SELPLG: variants seen among roughly 807,000 people sequenced by gnomAD.
The protein encoded by SELPLG is selectin P ligand.
Under a neutral mutation model 1.1 loss-of-function variants are expected in SELPLG, and 2 were observed. The observed-to-expected ratio is 1.82, with a 90% CI of 0.74 to 5.71. The LOEUF (loss-of-function observed/expected upper bound fraction) is 5.71. Ranked by LOEUF, SELPLG falls within the 30% of genes most tolerant of loss-of-function variation. The probability of loss-of-function intolerance (pLI) is 0.05; values close to 1 mark genes in which losing one functional copy is unlikely to be tolerated. For missense variants in SELPLG, 478 were observed against 524.7 expected (o/e 0.91, Z 0.87); for synonymous variants, 230 against 221.2 (o/e 1.04, Z -0.35).
At position 108,622,835 on chromosome 12, in the gene SELPLG, A is replaced by T. The variant is rs1332927317; in HGVS notation, c.*234T>A. 2.1e-6 allele frequency: 1 copy of T among 478,184 alleles called. No individual in the cohort carries two copies. The highest frequency in any genetic ancestry group is 3.7e-6 in the Non-Finnish European group (1 of 273,084). 29.6% of individuals were successfully genotyped at this position (478,184 alleles called of 1,614,324 possible). A position where few individuals can be genotyped will look rare whatever the true frequency, so the allele number is the denominator to read the frequency against. ...GGCCTCCTGCCTTGGACCTCGGCTG[A>T]AATGTGGCTGGGCTTCATCCGCGGA... On this transcript the variant is annotated 3_prime_UTR_variant, in exon 2 of 2. Coordinates refer to ENST00000550948, the MANE Select transcript of SELPLG (RefSeq NM_003006.4).
rs117640217 is a variant in SELPLG, at chr12:108,624,515, A to T, written c.-5-203T>A. 1.2e-3 allele frequency among the ~76,000 whole-genome samples: 188 copies of T among 152,204 alleles called. 6 individuals are homozygous for T. In the East Asian group the frequency reaches 0.034, roughly 28 times the overall value. On this transcript the variant is annotated intron_variant, in intron 1 of 1. Coordinates refer to ENST00000550948, the MANE Select transcript of SELPLG (RefSeq NM_003006.4). The stretch of plus-strand genomic sequence containing the variant: ...GTTATTATTATTACTCATCAACATG[A>T]ATAAAGCCATCCAGGAGGGCCCTTT...
Position 108,622,890 on chromosome 12 carries a change from T to TCTGATTGGCCCCAGG in SELPLG, c.*178_*179insCCTGGGGCCAATCAG, listed in dbSNP as rs1269452919. Reference sequence around the variant, plus strand: ...GGAAAGAGGTGGCTCCACTTGCCCGTCTGCTTGGCCCCAGGCTGCTCTTGT... The same window carrying TCTGATTGGCCCCAGG: ...GGAAAGAGGTGGCTCCACTTGCCCGTCTGATTGGCCCCAGGCTGCTTGGCCCCAGGCTGCTCTTGT... On this transcript the variant is annotated 3_prime_UTR_variant, in exon 2 of 2. Coordinates refer to ENST00000550948, the MANE Select transcript of SELPLG (RefSeq NM_003006.4). 718 of 565,864 alleles carry TCTGATTGGCCCCAGG rather than the reference T, an allele frequency of 1.3e-3. 6 individuals carry two copies. Among genetic ancestry groups the TCTGATTGGCCCCAGG allele is most frequent in the Middle Eastern group, 4.7e-3 (10 of 2,110 alleles). The allele number at this position is 565,864 out of a possible 1,614,324, so 35.1% of individuals were successfully genotyped here.
intron 1 of SELPLG, chr12:108,631,890 C>T: frequency 2.6e-6 from 4 of 1,535,668 alleles, no homozygotes; most frequent in East Asian, 2.4e-5. Flanking sequence ...GACCACTGGC[C>T]CCCACTGCCA....
rs773135562 is a variant in SELPLG, at chr12:108,623,729, G to A, written c.579C>T (p.Thr193=). 1.2e-6 allele frequency: 2 copies of A among 1,607,362 alleles called. No homozygotes were observed. The highest frequency in any genetic ancestry group is 1.1e-5 in the South Asian group (1 of 89,644). ...GTGCCTCCATGGCTGCTGGTGCAGTGGTCTGTGCCTCCAGGCCTGTGGGTT... is the reference window on the plus strand; with the variant it reads ...GTGCCTCCATGGCTGCTGGTGCAGTAGTCTGTGCCTCCAGGCCTGTGGGTT... ...TTQPTGLEAQ[T]TAPAAMEAQT... Residue 193 remains threonine, a synonymous_variant, in exon 2 of 2, where the codon ACC becomes ACT. Transcript: ENST00000550948.
chr12:108,622,885 GCCCGTCTGCTTGGC>G lies in SELPLG; in HGVS notation c.*170_*183del. 1 of 546,872 alleles carries G rather than the reference GCCCGTCTGCTTGGC, an allele frequency of 1.8e-6. No homozygotes were observed. Among genetic ancestry groups the G allele is most frequent in the Non-Finnish European group, 3.1e-6 (1 of 327,370 alleles). The allele number at this position is 546,872 out of a possible 1,614,324, so 33.9% of individuals were successfully genotyped here. ...AGGGAGGAAAGAGGTGGCTCCACTT[GCCCGTCTGCTTGGC>G]CCCAGGCTGCTCTTGTCCTGTTTGG... On this transcript the variant is annotated 3_prime_UTR_variant, in exon 2 of 2. Transcript: ENST00000550948.
chr12:108,623,130 G>T lies in SELPLG; in HGVS notation c.1178C>A (p.Thr393Lys). The T allele has an allele frequency of 6.3e-7, 1 of 1,592,564 alleles. No individual in the cohort carries two copies. Among genetic ancestry groups the T allele is most frequent in the Non-Finnish European group, 8.5e-7 (1 of 1,170,032 alleles). Residue 393 changes from threonine (T) to lysine (K), a missense_variant, in exon 2 of 2, where the codon ACG (threonine) becomes AAG (lysine). Coordinates refer to ENST00000550948, the MANE Select transcript of SELPLG (RefSeq NM_003006.4). ...CTCACGGTCCTCCCTGGGCTCTGGC[G>T]TCAGGCCCGGGCTCTTGGCCTTGGA... ...GLSKAKSPGL[T>K]PEPREDREGD...
intron 1 of SELPLG, among the ~76,000 whole-genome samples, chr12:108,627,407 C>G (rs1166779550): frequency 1.3e-5 from 2 of 151,660 alleles, no homozygotes; most frequent in Non-Finnish European, 3.0e-5. Flanking sequence ...AGTTATGTCC[C>G]CCAGAAAGGC....
At chr12:108,626,670 A>ATT (rs762973745) in intron 1 of SELPLG, among the ~76,000 whole-genome samples, 2 of 141,104 alleles carry the variant, frequency 1.4e-5, no homozygotes, top group Non-Finnish European at 3.1e-5. Context: ...TTAATTTTTA[A>ATT]TTTTTTTTTT....
chr12:108,622,990 G>C lies in SELPLG; in HGVS notation c.*79C>G. 2.9e-6 allele frequency: 4 copies of C among 1,375,636 alleles called. No individual in the cohort carries two copies. In the East Asian group the frequency reaches 1.0e-4, roughly 35 times the overall value. The allele number at this position is 1,375,636 out of a possible 1,614,324, so 85.2% of individuals were successfully genotyped here. ...GTCTCCGAGGAAGCCCAGAGCTGTG[G>C]AATGGGGTCTGGGCACTCAGGGGTG... On this transcript the variant is annotated 3_prime_UTR_variant, in exon 2 of 2. Transcript: ENST00000550948.
At chr12:108,631,664 A>G (rs1460160499) in intron 1 of SELPLG, among the ~76,000 whole-genome samples, 2 of 150,846 alleles carry the variant, frequency 1.3e-5, no homozygotes, top group African/African-American at 4.9e-5. Flanking sequence ...CCTACCCTCC[A>G]CCCCACCAAG....
intron 1 of SELPLG, among the ~76,000 whole-genome samples, chr12:108,628,282 A>T (rs2031976238): frequency 6.7e-6 from 1 of 150,370 alleles, no homozygotes; most frequent in African/African-American, 2.4e-5. Flanking sequence ...CAAGAAAACA[A>T]AAGTTCCAAG....
Position 108,623,691 on chromosome 12 carries a change from G to A in SELPLG, c.617C>T (p.Pro206Leu). ...AGTGGTCTGTGCTTCCATGGCTGCT[G>A]GTGCAGTGGTCTGTGCCTCCATGGC... is the stretch of plus-strand genomic sequence containing the variant. Reference protein sequence around the residue: ...PAAMEAQTTAPAAMEAQTTPP... With the variant: ...PAAMEAQTTALAAMEAQTTPP... The change falls in exon 2 of 2, where the codon CCA becomes CTA. Residue 206 changes from proline (P) to leucine (L), a missense_variant. Transcript: ENST00000550948. The A allele has an allele frequency of 6.6e-7, 1 of 1,522,710 alleles. No homozygotes were observed. The highest frequency in any genetic ancestry group is 2.2e-5 in the East Asian group (1 of 44,778). The allele number at this position is 1,522,710 out of a possible 1,614,324, so 94.3% of individuals were successfully genotyped here. A position where few individuals can be genotyped will look rare whatever the true frequency, so the allele number is the denominator to read the frequency against.
At chr12:108,626,282 A>ATG in intron 1 of SELPLG, among the ~76,000 whole-genome samples, 1 of 151,862 alleles carries the variant, frequency 6.6e-6, no homozygotes, top group South Asian at 2.1e-4. Flanking sequence ...CTACAGGCGC[A>ATG]CACAACTATG....
intron 1 of SELPLG, among the ~76,000 whole-genome samples, chr12:108,626,864 A>C (rs1360090914): frequency 6.6e-6 from 1 of 152,144 alleles, no homozygotes; most frequent in East Asian, 1.9e-4. Context: ...CAACTGTTTG[A>C]GAAGCCAAGG....
intron 1 of SELPLG, among the ~76,000 whole-genome samples, chr12:108,632,421 TGTGTGTGA>T (rs2032077693): frequency 6.7e-6 from 1 of 149,838 alleles, no homozygotes; most frequent in East Asian, 1.9e-4. Flanking sequence ...TGTGTGTGTG[TGTGTGTGA>T]ATGTGTGTAC....
At chr12:108,626,467 T>G (rs999866118) in intron 1 of SELPLG, among the ~76,000 whole-genome samples, 2 of 152,072 alleles carry the variant, frequency 1.3e-5, no homozygotes, top group African/African-American at 4.8e-5. Flanking sequence ...AATCTGATCA[T>G]ATCTTAAACT....
chr12:108,632,497 A>C (rs1345189678), intron 1 of SELPLG, among the ~76,000 whole-genome samples: 2 of 151,970 alleles, frequency 1.3e-5, no homozygotes, highest in East Asian at 3.9e-4. Context: ...TATCTCAAAT[A>C]CAAACTAATA....
At chr12:108,633,398 G>T (rs2032095731) in intron 1 of SELPLG, among the ~76,000 whole-genome samples, 1 of 152,206 alleles carries the variant, frequency 6.6e-6, no homozygotes, top group East Asian at 1.9e-4. Context: ...CTACTCAGGA[G>T]GCTGAGGTGG....
rs981700549 is a variant in SELPLG, at chr12:108,624,188, C to T, written c.120G>A (p.Arg40=). The T allele has an allele frequency of 5.0e-6, 8 of 1,614,152 alleles. No homozygotes were observed. The highest frequency in any genetic ancestry group is 5.9e-6 in the Non-Finnish European group (7 of 1,179,998). Reference sequence around the variant, plus strand: ...GGTACTCATATTCGGTGGCCTGTCTCCGGTCCCGGGCAAGCAGGGGACCCA... The same window carrying T: ...GGTACTCATATTCGGTGGCCTGTCTTCGGTCCCGGGCAAGCAGGGGACCCA... ...KALGPLLARD[R]RQATEYEYLD... is the part of the protein sequence containing the mutation. The change falls in exon 2 of 2, where the codon CGG becomes CGA. Residue 40 remains arginine (R), a synonymous_variant. Coordinates refer to ENST00000550948, the MANE Select transcript of SELPLG (RefSeq NM_003006.4).
Sources: allele counts gnomAD v4.1 joint callset (sites outside exome capture counted in the v4.1 genomes callset), GRCh38; gene constraint gnomAD v4.1.1; transcripts MANE v1.5; gene names NCBI Gene and HGNC (gene_info 2026-07-23, HGNC 2026-07-21).